The following PDE1C variants were observed in gnomAD, a reference collection of about 807,000 sequenced individuals.
PDE1C encodes phosphodiesterase 1C, also known as dual specificity calcium/calmodulin-dependent 3',5'-cyclic nucleotide phosphodiesterase 1C.
Under a neutral mutation model 93.1 loss-of-function variants are expected in PDE1C, and 62 were observed. The ratio of observed to expected loss-of-function variants is 0.67; its 90% CI spans 0.54 to 0.82. The LOEUF (loss-of-function observed/expected upper bound fraction) is 0.82, where lower values mean the gene tolerates loss of function less well. Among genes scored for constraint, PDE1C ranks in the 40% least tolerant of loss-of-function variants. The probability of loss-of-function intolerance (pLI) is 0.00; values close to 1 mark genes in which losing one functional copy is unlikely to be tolerated. For missense variants in PDE1C, 742 were observed against 884.6 expected (o/e 0.84, Z 2.04); for synonymous variants, 325 against 310.1 (o/e 1.05, Z -0.50).
chr7:31,891,523 G>A (rs552120088), intron 2 of PDE1C, among the ~76,000 whole-genome samples: 47 of 152,212 alleles, frequency 3.1e-4, no homozygotes, highest in Middle Eastern at 6.8e-3. Flanking sequence ...AATCTCCCAA[G>A]CATTTTGACA....
At chr7:32,398,478 A>C (rs1438707156) in intron 1 of PDE1C, among the ~76,000 whole-genome samples, 1 of 149,618 alleles carries the variant, frequency 6.7e-6, no homozygotes, top group Non-Finnish European at 1.5e-5. Flanking sequence ...AACCTCCACT[A>C]CCTGGGTTCA....
At chr7:31,705,576 G>T in the PDE1C span, among the ~76,000 whole-genome samples, 1 of 152,210 alleles carries the variant, frequency 6.6e-6, no homozygotes, top group Non-Finnish European at 1.5e-5. Flanking sequence ...AAGAACCCAT[G>T]TGAACAAACT....
At chr7:32,083,281 T>G (rs1402231272) in intron 3 of PDE1C, among the ~76,000 whole-genome samples, 1 of 149,698 alleles carries the variant, frequency 6.7e-6, no homozygotes, top group Non-Finnish European at 1.5e-5. Flanking sequence ...TGAAATGAAG[T>G]GAGAAGGGAA....
chr7:31,734,334 G>A, the PDE1C span, among the ~76,000 whole-genome samples: 2 of 152,142 alleles, frequency 1.3e-5, no homozygotes, highest in African/African-American at 4.8e-5. Context: ...GGCCCCAGAG[G>A]TTGGCAACCT....
the PDE1C span, among the ~76,000 whole-genome samples, chr7:31,738,109 C>T: frequency 6.6e-6 from 1 of 152,126 alleles, no homozygotes; most frequent in African/African-American, 2.4e-5. Context: ...TCAGTGTACA[C>T]CTCCCTCCAG....
chr7:31,892,290 C>T (rs1345011721), intron 2 of PDE1C, among the ~76,000 whole-genome samples: 7 of 152,114 alleles, frequency 4.6e-5, no homozygotes, highest in Non-Finnish European at 1.0e-4. Context: ...ATCAGTGATG[C>T]TTGGAGCTTG....
At chr7:31,920,064 C>G (rs572070911) in intron 2 of PDE1C, among the ~76,000 whole-genome samples, 1 of 152,150 alleles carries the variant, frequency 6.6e-6, no homozygotes, top group Non-Finnish European at 1.5e-5. Context: ...TGGAATCTGC[C>G]TGAAAAGCCC....
At chr7:31,787,979 A>G (rs1294024107) in intron 16 of PDE1C, 1 of 152,190 alleles carries the variant, frequency 6.6e-6, no homozygotes, top group Non-Finnish European at 1.5e-5. Context: ...AGTGAGTTAC[A>G]TGGAGTTTTG....
At chr7:32,051,943 C>A (rs1358624925) in intron 1 of PDE1C, among the ~76,000 whole-genome samples, 2 of 152,162 alleles carry the variant, frequency 1.3e-5, no homozygotes, top group African/African-American at 4.8e-5. Context: ...GAGGTTCTTA[C>A]AGAGTAAATG....
chr7:31,839,041 A>G (rs1791478859), intron 9 of PDE1C, among the ~76,000 whole-genome samples: 1 of 148,356 alleles, frequency 6.7e-6, no homozygotes, highest in South Asian at 2.1e-4. Flanking sequence ...ATATACACAT[A>G]TATTTCATAC....
At chr7:32,202,395 T>C (rs1805078730) in intron 2 of PDE1C, among the ~76,000 whole-genome samples, 2 of 152,228 alleles carry the variant, frequency 1.3e-5, no homozygotes, top group African/African-American at 2.4e-5. Flanking sequence ...ACAGTGAATA[T>C]TCCTCCGCTG....
At chr7:31,871,157 G>C (rs1215644758) in intron 6 of PDE1C, among the ~76,000 whole-genome samples, 1 of 151,712 alleles carries the variant, frequency 6.6e-6, no homozygotes, top group African/African-American at 2.4e-5. Flanking sequence ...ATAACTCTGG[G>C]AAAATTGAAT....
At chr7:31,887,680 C>T (rs2128893102) in intron 2 of PDE1C, among the ~76,000 whole-genome samples, 1 of 152,250 alleles carries the variant, frequency 6.6e-6, no homozygotes, top group Non-Finnish European at 1.5e-5. Flanking sequence ...TAATAGTAAT[C>T]AAAACTGACC....
At chr7:32,276,986 C>T (rs1428845553) in intron 1 of PDE1C, among the ~76,000 whole-genome samples, 1 of 152,202 alleles carries the variant, frequency 6.6e-6, no homozygotes. Flanking sequence ...GGCACAGTGG[C>T]TCATGCCTGT....
intron 1 of PDE1C, among the ~76,000 whole-genome samples, chr7:32,269,476 C>T (rs1208028450): frequency 5.7e-5 from 5 of 87,734 alleles, no homozygotes; most frequent in South Asian, 7.7e-4. Context: ...TTTCGTTTTT[C>T]GGTTTTTTGG....
intron 2 of PDE1C, among the ~76,000 whole-genome samples, chr7:32,030,078 AACACACAC>A (rs376919544): frequency 0.025 from 3,407 of 134,064 alleles, 83 homozygotes; most frequent in African/African-American, 0.07. Flanking sequence ...TGCATATTAT[AACACACAC>A]ACACACACAC....
chr7:31,640,558 G>A, the PDE1C span, among the ~76,000 whole-genome samples: 2 of 152,208 alleles, frequency 1.3e-5, no homozygotes, highest in African/African-American at 4.8e-5. Context: ...GCGCTAAGCT[G>A]GGTAACTATA....
At chr7:32,203,362 C>T (rs1291210750) in intron 2 of PDE1C, among the ~76,000 whole-genome samples, 2 of 152,210 alleles carry the variant, frequency 1.3e-5, no homozygotes, top group East Asian at 3.9e-4. Flanking sequence ...TTTGAGTTCC[C>T]TCTGGGGCTC....
At chr7:31,852,182 G>A (rs912719677) in intron 7 of PDE1C, among the ~76,000 whole-genome samples, 1 of 152,054 alleles carries the variant, frequency 6.6e-6, no homozygotes, top group Non-Finnish European at 1.5e-5. Context: ...AATTGGTAAG[G>A]GGAAAATAAA....
Sources: allele counts gnomAD v4.1 joint callset (sites outside exome capture counted in the v4.1 genomes callset), GRCh38; gene constraint gnomAD v4.1.1; transcripts MANE v1.5; gene names NCBI Gene and HGNC (gene_info 2026-07-23, HGNC 2026-07-21).